The following OSBPL10 variants were observed in gnomAD, a reference collection of about 807,000 sequenced individuals.
OSBPL10 encodes the protein oxysterol-binding protein-related protein 10.
OSBPL10 carries 49 observed loss-of-function variants against 81.7 expected under a neutral mutation model. The observed-to-expected ratio is 0.60, with a 90% CI of 0.48 to 0.76. OSBPL10 has a LOEUF of 0.76. OSBPL10 is among the 30% of genes least tolerant of loss of function. The pLI, the probability that OSBPL10 is intolerant of heterozygous loss-of-function variation, is 0.00. For missense variants in OSBPL10, 923 were observed against 987.8 expected, an observed-to-expected ratio of 0.93 and a Z score of 0.88; for synonymous variants, 419 against 383.6, an observed-to-expected ratio of 1.09 and a Z score of -1.08.
rs541411051 is a variant in OSBPL10 at position 31,728,269 on chromosome 3, A to C, written c.1095+4988T>G. Among the ~76,000 whole-genome samples the C allele has an allele frequency of 5.5e-4, 84 of 152,326 alleles. 1 individual carries two copies. The highest frequency in any genetic ancestry group is 1.9e-3 in the African/African-American group (79 of 41,572). On this transcript the variant is annotated intron_variant, in intron 6 of 11. Transcript: ENST00000396556. ...TGTAATCCAGATGACTAACTAGGCA[A>C]AGCTGCTAACTGAGACAGTCAACAC...
chr3:31,686,877 TTC>T (rs1700805112), intron 7 of OSBPL10, among the ~76,000 whole-genome samples: 1 of 152,154 alleles, frequency 6.6e-6, no homozygotes, highest in Non-Finnish European at 1.5e-5. Context: ...GGCTGCTGTG[TTC>T]TCCCACCACT....
At chr3:31,689,564 T>C (rs750009690) in intron 7 of OSBPL10, among the ~76,000 whole-genome samples, 5 of 152,180 alleles carry the variant, frequency 3.3e-5, no homozygotes, top group Non-Finnish European at 7.3e-5. Context: ...CCAAATTTCA[T>C]CTTGAGTTGT....
At chr3:31,881,477 A>G (rs1292898338) in intron 1 of OSBPL10, among the ~76,000 whole-genome samples, 2 of 152,152 alleles carry the variant, frequency 1.3e-5, no homozygotes, top group Non-Finnish European at 2.9e-5. Flanking sequence ...ATATTGCACT[A>G]CACTCCTTTT....
At chr3:31,816,222 G>A (rs1252615280) in intron 4 of OSBPL10, among the ~76,000 whole-genome samples, 4 of 152,180 alleles carry the variant, frequency 2.6e-5, no homozygotes, top group African/African-American at 7.2e-5. Context: ...CTGTGGCCTT[G>A]CCCTCTGGTG....
chr3:32,030,619 AG>A (rs1426866433), intron 2 of OSBPL10: 1 of 1,356,496 alleles, frequency 7.4e-7, no homozygotes, highest in East Asian at 2.3e-5. Flanking sequence ...ACACTTTGTG[AG>A]AACCAATGGG....
Position 32,053,055 on chromosome 3 carries a change from T to G in OSBPL10, n.186-6452A>C, listed in dbSNP as rs1575093169. ...GACATGTGGAGTTACCTATGCCCCCTGGCTATGCTGGAAAGAGTCAGACCT... is the reference window on the plus strand; with the variant it reads ...GACATGTGGAGTTACCTATGCCCCCGGGCTATGCTGGAAAGAGTCAGACCT... On this transcript the variant is annotated intron_variant and non_coding_transcript_variant, in intron 1 of 3. Transcript: ENST00000479173. Among the ~76,000 whole-genome samples, 5 of 152,338 alleles carry G rather than the reference T, an allele frequency of 3.3e-5. No homozygotes were observed. The East Asian group carries it at 9.6e-4, about 29-fold the overall frequency.
At chr3:31,662,684 CTT>C (rs1700096356) in intron 11 of OSBPL10, 4 of 985,388 alleles carry the variant, frequency 4.1e-6, no homozygotes, top group South Asian at 4.7e-5. Flanking sequence ...TCAGATGACT[CTT>C]ATTCCTTACA....
At chr3:31,791,241 C>T (rs1224738498) in intron 4 of OSBPL10, among the ~76,000 whole-genome samples, 3 of 152,166 alleles carry the variant, frequency 2.0e-5, no homozygotes, top group African/African-American at 4.8e-5. Flanking sequence ...CATAATGCAT[C>T]TTTCAAACCT....
intron 4 of OSBPL10, among the ~76,000 whole-genome samples, chr3:31,749,252 T>G (rs529741691): frequency 2.0e-5 from 3 of 152,380 alleles, no homozygotes; most frequent in Admixed American, 6.5e-5. Context: ...CGTTTCTTTT[T>G]TGCTCAGCCT....
intron 1 of OSBPL10, among the ~76,000 whole-genome samples, chr3:32,048,251 C>T (rs186702220): frequency 1.3e-3 from 198 of 152,000 alleles, no homozygotes; most frequent in Non-Finnish European, 1.1e-3. Context: ...ATATTCAAGA[C>T]CCCTGTTCCT....
chr3:31,994,500 G>T (rs71323063), intron 2 of OSBPL10, among the ~76,000 whole-genome samples: 7,198 of 146,478 alleles, frequency 0.049, 217 homozygotes, highest in East Asian at 0.12. Context: ...AAGGATGGAT[G>T]GATGGATGGA....
intron 1 of OSBPL10, among the ~76,000 whole-genome samples, chr3:31,944,254 A>T (rs1697630654): frequency 6.6e-6 from 1 of 152,186 alleles, no homozygotes; most frequent in Non-Finnish European, 1.5e-5. Context: ...TTTGTCTTCC[A>T]TAAAAGTCAT....
chr3:31,778,645 C>T (rs957077865), intron 4 of OSBPL10, among the ~76,000 whole-genome samples: 11 of 151,958 alleles, frequency 7.2e-5, no homozygotes, highest in African/African-American at 2.2e-4. Flanking sequence ...AGGCAATAAT[C>T]GAGAAAAACT....
chr3:31,769,532 TA>T (rs1038040851), intron 4 of OSBPL10, among the ~76,000 whole-genome samples: 2 of 145,748 alleles, frequency 1.4e-5, no homozygotes, highest in Non-Finnish European at 3.0e-5. Flanking sequence ...TAACTCATTA[TA>T]AAAATATATT....
intron 2 of OSBPL10, among the ~76,000 whole-genome samples, chr3:32,044,622 T>A (rs909240826): frequency 1.3e-5 from 2 of 149,620 alleles, no homozygotes; most frequent in African/African-American, 2.5e-5. Context: ...ATGCCTATAA[T>A]CCCAGCTACT....
At chr3:31,843,248 C>T (rs982875031) in intron 3 of OSBPL10, among the ~76,000 whole-genome samples, 1 of 152,216 alleles carries the variant, frequency 6.6e-6, no homozygotes, top group Admixed American at 6.5e-5. Flanking sequence ...CTACCTCCCA[C>T]CTTGGGGCAG....
intron 1 of OSBPL10, among the ~76,000 whole-genome samples, chr3:31,973,500 C>G (rs1169701383): frequency 9.9e-5 from 15 of 152,182 alleles, no homozygotes; most frequent in Non-Finnish European, 1.5e-4. Flanking sequence ...CTGCGAGGTT[C>G]ATATCATTTT....
chr3:31,950,013 C>T (rs1249494340), intron 1 of OSBPL10, among the ~76,000 whole-genome samples: 1 of 151,984 alleles, frequency 6.6e-6, no homozygotes, highest in Admixed American at 6.6e-5. Flanking sequence ...CGGTGGAAAT[C>T]CTACTTATGT....
intron 4 of OSBPL10, among the ~76,000 whole-genome samples, chr3:31,829,019 T>C (rs1245442992): frequency 2.6e-5 from 4 of 152,248 alleles, no homozygotes; most frequent in Non-Finnish European, 5.9e-5. Context: ...GATTTCAGAC[T>C]GTCCTTCCTG....
Sources: gnomAD v4.1 joint callset for allele counts (sites outside exome capture counted in the v4.1 genomes callset) on GRCh38, gnomAD v4.1.1 for gene constraint, MANE v1.5 for transcripts, NCBI Gene and HGNC (gene_info 2026-07-23, HGNC 2026-07-21) for gene names.